Variants in ANAPC11 observed in about 807,000 individuals in gnomAD.
The protein encoded by ANAPC11 is anaphase promoting complex subunit 11.
Under a neutral mutation model 11.8 loss-of-function variants are expected in ANAPC11, and 5 were observed. The ratio of observed to expected loss-of-function variants is 0.42; its 90% CI spans 0.22 to 0.89. ANAPC11 has a LOEUF of 0.89. ANAPC11 is among the 40% of genes least tolerant of loss of function. The probability of loss-of-function intolerance (pLI) is 0.28; values close to 1 mark genes in which losing one functional copy is unlikely to be tolerated. For missense variants in ANAPC11, 68 were observed against 112.9 expected (o/e 0.60, Z 1.80); for synonymous variants, 45 against 41.0 (o/e 1.10, Z -0.38).
chr17:81,895,474 T>C (rs1039264209), intron 3 of ANAPC11, among the ~76,000 whole-genome samples: 2 of 152,110 alleles, frequency 1.3e-5, no homozygotes, highest in African/African-American at 4.8e-5. Flanking sequence ...GTGAAATACG[T>C]GGGATTAAAA....
chr17:81,891,104 G>T, upstream of ANAPC11: 1 of 656,732 alleles, frequency 1.5e-6, no homozygotes, highest in Non-Finnish European at 2.4e-6. Flanking sequence ...AACAAACAAA[G>T]AGCTGGGAAG....
chr17:81,899,867 GCT>G, intron 3 of ANAPC11, 51 bp from the exon 4 acceptor site: 1 of 1,556,204 alleles, frequency 6.4e-7, no homozygotes. Flanking sequence ...CTTGTCACAT[GCT>G]CTGTGTCCAG....
intron 2 of ANAPC11, among the ~76,000 whole-genome samples, chr17:81,894,120 A>G (rs2039649689): frequency 6.6e-6 from 1 of 151,896 alleles, no homozygotes; most frequent in African/African-American, 2.4e-5. Context: ...TACTAAAAAT[A>G]CAAAAATTAG....
intron 3 of ANAPC11, chr17:81,899,534 G>T (rs1209599415): frequency 6.2e-7 from 1 of 1,613,028 alleles, no homozygotes; most frequent in Admixed American, 1.7e-5. Flanking sequence ...ATGGGCCCAG[G>T]GCCTGTAGGT....
At chr17:81,894,647 C>A in intron 3 of ANAPC11, 61 bp downstream of exon 3, 2 of 1,107,054 alleles carry the variant, frequency 1.8e-6, no homozygotes, top group Non-Finnish European at 2.6e-6. Flanking sequence ...TCTGTGCTGT[C>A]TGCTGCCTGC....
chr17:81,891,547 T>G (rs1296677958), upstream of ANAPC11: 8 of 1,428,878 alleles, frequency 5.6e-6, no homozygotes, highest in Admixed American at 2.5e-5. Flanking sequence ...GACATGTCCA[T>G]TTTGTCGGCC....
At chr17:81,895,392 A>G (rs2039706421) in intron 3 of ANAPC11, among the ~76,000 whole-genome samples, 1 of 152,188 alleles carries the variant, frequency 6.6e-6, no homozygotes, top group Non-Finnish European at 1.5e-5. Context: ...GTTGATAGAA[A>G]AAAAGCCAGG....
intron 3 of ANAPC11, among the ~76,000 whole-genome samples, chr17:81,897,935 C>T (rs1308440995): frequency 6.6e-6 from 1 of 152,180 alleles, no homozygotes; most frequent in African/African-American, 2.4e-5. Flanking sequence ...ACTTTTTATT[C>T]TAGGCTTAAC....
upstream of ANAPC11, chr17:81,891,646 C>G (rs1335907743): frequency 2.6e-5 from 33 of 1,292,720 alleles, no homozygotes; most frequent in Non-Finnish European, 3.0e-5. Context: ...CCTTCCGGTG[C>G]CACGGCCTCG....
At chr17:81,891,392 C>A, upstream of ANAPC11, 2 of 1,093,852 alleles carry the variant, frequency 1.8e-6, no homozygotes, top group South Asian at 3.3e-5. Flanking sequence ...CCGGCCGGTT[C>A]CGGATGGGCC....
At chr17:81,899,634 T>C in intron 3 of ANAPC11, 1 of 1,413,248 alleles carries the variant, frequency 7.1e-7, no homozygotes, top group Non-Finnish European at 9.6e-7. Flanking sequence ...GCCCCTGGGC[T>C]CCCCACTGAG....
At chr17:81,900,483 T>A (rs2039904520), downstream of ANAPC11, 11 of 247,470 alleles carry the variant, frequency 4.4e-5, no homozygotes, top group South Asian at 4.6e-4. Flanking sequence ...GGACCCTCCC[T>A]CAGGCTGGCT....
intron 3 of ANAPC11, chr17:81,899,057 A>G: frequency 1.5e-6 from 1 of 650,162 alleles, no homozygotes; most frequent in Non-Finnish European, 2.6e-6. Context: ...CGGCGCTGCC[A>G]GGACAGGAGG....
At chr17:81,898,564 G>A (rs1370421913) in intron 3 of ANAPC11, 1 of 152,382 alleles carries the variant, frequency 6.6e-6, no homozygotes, top group Non-Finnish European at 1.5e-5. Context: ...CGTTTGACGA[G>A]TCCAATGTGC....
At chr17:81,890,987 A>G, upstream of ANAPC11, 1 of 1,035,446 alleles carries the variant, frequency 9.7e-7, no homozygotes, top group South Asian at 1.6e-5. Flanking sequence ...CCGAGGCCGC[A>G]CGGTCCCACC....
chr17:81,896,723 G>C (rs1238356850), intron 3 of ANAPC11, among the ~76,000 whole-genome samples: 1 of 149,908 alleles, frequency 6.7e-6, no homozygotes, highest in Non-Finnish European at 1.5e-5. Context: ...AGCTGGACGT[G>C]AACTCCTGGG....
chr17:81,890,817 T>C, upstream of ANAPC11: 2 of 1,613,898 alleles, frequency 1.2e-6, no homozygotes, highest in Non-Finnish European at 1.7e-6. Flanking sequence ...GGAAGTTGTT[T>C]TGGCTGAAAA....
downstream of ANAPC11, chr17:81,900,516 A>T (rs1031356927): frequency 1.4e-4 from 31 of 222,556 alleles, no homozygotes; most frequent in Non-Finnish European, 1.6e-4. Flanking sequence ...GGCTGTGCAA[A>T]GCTGGCGGCC....
intron 1 of ANAPC11, among the ~76,000 whole-genome samples, chr17:81,892,288 C>G (rs1159809899): frequency 6.6e-6 from 1 of 151,656 alleles, no homozygotes; most frequent in African/African-American, 2.4e-5. Context: ...GCCGGGGCAA[C>G]ATCGTGAGAC....
Sources: allele counts gnomAD v4.1 joint callset (sites outside exome capture counted in the v4.1 genomes callset), GRCh38; gene constraint gnomAD v4.1.1; transcripts MANE v1.5; gene names NCBI Gene and HGNC (gene_info 2026-07-23, HGNC 2026-07-21).